REDIC1: variants seen among roughly 807,000 people sequenced by gnomAD.
The protein encoded by REDIC1 is HEI10 Interacting Protein 1.
At chr12:39,756,784 C>T in the REDIC1 span, 2 of 151,568 alleles carry the variant, frequency 1.3e-5, no homozygotes, top group Non-Finnish European at 3.0e-5. Context: ...AAATTCCTTG[C>T]TTTTACTGAT....
At chr12:39,728,308 A>G in the REDIC1 span, among the ~76,000 whole-genome samples, 1 of 152,132 alleles carries the variant, frequency 6.6e-6, no homozygotes, top group Non-Finnish European at 1.5e-5. Context: ...TTATTTTGAG[A>G]TTCATTCCAT....
At chr12:39,712,973 GTATATATACATGTGTATATACGTGTATA>G in the REDIC1 span, among the ~76,000 whole-genome samples, 1 of 19,296 alleles carries the variant, frequency 5.2e-5, no homozygotes, top group African/African-American at 1.9e-4. Flanking sequence ...ACGTGTATAT[GTATATATACATGTGTATATACGTGTATA>G]TGTATATATA....
At chr12:39,633,479 A>AT in the REDIC1 span, among the ~76,000 whole-genome samples, 25 of 151,442 alleles carry the variant, frequency 1.7e-4, no homozygotes, top group East Asian at 1.5e-3. Context: ...AAAATTAACT[A>AT]TTTTTTTTTA....
the REDIC1 span, among the ~76,000 whole-genome samples, chr12:39,807,859 G>T: frequency 6.6e-6 from 1 of 152,242 alleles, no homozygotes; most frequent in South Asian, 2.1e-4. Flanking sequence ...GTGATGAAAA[G>T]TGTCATCAAA....
chr12:39,713,136 T>C, the REDIC1 span, among the ~76,000 whole-genome samples: 6 of 149,932 alleles, frequency 4.0e-5, no homozygotes, highest in Non-Finnish European at 3.0e-5. Flanking sequence ...CATATACGTA[T>C]ATATGTAGAT....
the REDIC1 span, among the ~76,000 whole-genome samples, chr12:39,812,412 TCCTTCCTTCCTG>T: frequency 0.021 from 3,024 of 145,288 alleles, 37 homozygotes; most frequent in South Asian, 0.031. Context: ...CTTCCTTCCT[TCCTTCCTTCCTG>T]CCTTCCTTCC....
chr12:39,865,804 T>C, the REDIC1 span, among the ~76,000 whole-genome samples: 1 of 152,180 alleles, frequency 6.6e-6, no homozygotes, highest in African/African-American at 2.4e-5. Context: ...CATGTTCTCA[T>C]TTAAAAGTTG....
the REDIC1 span, among the ~76,000 whole-genome samples, chr12:39,878,942 C>T: frequency 6.6e-6 from 1 of 152,250 alleles, no homozygotes; most frequent in Non-Finnish European, 1.5e-5. Flanking sequence ...TGTAGGCCAG[C>T]CCAGAGCCTA....
At chr12:39,743,794 AG>A in the REDIC1 span, among the ~76,000 whole-genome samples, 4 of 152,214 alleles carry the variant, frequency 2.6e-5, no homozygotes, top group Non-Finnish European at 5.9e-5. Context: ...AAAAGCAAAA[AG>A]ATCAAAACAA....
chr12:39,789,732 C>A, the REDIC1 span, among the ~76,000 whole-genome samples: 2 of 152,072 alleles, frequency 1.3e-5, no homozygotes, highest in Non-Finnish European at 2.9e-5. Context: ...TATCCATTAA[C>A]CTAGTTGATA....
the REDIC1 span, chr12:39,829,983 A>G: frequency 2.5e-6 from 3 of 1,212,980 alleles, no homozygotes; most frequent in East Asian, 7.6e-5. Context: ...GCTGCAAAGT[A>G]ATGTAGTTAT....
the REDIC1 span, among the ~76,000 whole-genome samples, chr12:39,890,982 G>GATT: frequency 6.6e-6 from 1 of 152,174 alleles, no homozygotes; most frequent in African/African-American, 2.4e-5. Flanking sequence ...TCTGGGGTAA[G>GATT]ATTATGAATA....
At chr12:39,837,324 T>C in the REDIC1 span, among the ~76,000 whole-genome samples, 32 of 145,374 alleles carry the variant, frequency 2.2e-4, no homozygotes, top group Non-Finnish European at 4.6e-4. Flanking sequence ...CCTTACACCT[T>C]ATACAAAAAT....
At chr12:39,640,896 A>G in the REDIC1 span, 1 of 1,215,304 alleles carries the variant, frequency 8.2e-7, no homozygotes, top group South Asian at 1.4e-5. Flanking sequence ...CTAAACTGGC[A>G]GTTGTCTTAA....
At chr12:39,715,492 C>A in the REDIC1 span, among the ~76,000 whole-genome samples, 2 of 151,774 alleles carry the variant, frequency 1.3e-5, no homozygotes, top group Admixed American at 1.3e-4. Context: ...TTGAAAATGA[C>A]CATACTGCCA....
At chr12:39,751,493 G>A in the REDIC1 span, among the ~76,000 whole-genome samples, 2 of 152,170 alleles carry the variant, frequency 1.3e-5, no homozygotes, top group Non-Finnish European at 2.9e-5. Flanking sequence ...AGACAGTGTG[G>A]CGATTCCTCA....
chr12:39,733,903 G>C, the REDIC1 span, among the ~76,000 whole-genome samples: 1 of 152,160 alleles, frequency 6.6e-6, no homozygotes, highest in Admixed American at 6.5e-5. Context: ...CCTTTCCAGG[G>C]GAATGAACAG....
the REDIC1 span, among the ~76,000 whole-genome samples, chr12:39,876,167 A>T: frequency 1.3e-5 from 2 of 152,220 alleles, no homozygotes; most frequent in African/African-American, 4.8e-5. Flanking sequence ...AACTCTCTGT[A>T]GACATTTAAG....
At chr12:39,734,584 T>C in the REDIC1 span, among the ~76,000 whole-genome samples, 1 of 152,230 alleles carries the variant, frequency 6.6e-6, no homozygotes, top group Non-Finnish European at 1.5e-5. Flanking sequence ...TATTAGGATT[T>C]TTTATGTTTG....
Sources: gnomAD v4.1 joint callset for allele counts (sites outside exome capture counted in the v4.1 genomes callset) on GRCh38, gnomAD v4.1.1 for gene constraint, MANE v1.5 for transcripts, NCBI Gene and HGNC (gene_info 2026-07-23, HGNC 2026-07-21) for gene names.